Variants in WDR25 observed in about 807,000 individuals in gnomAD.
WDR25 encodes WD repeat domain 25, also known as WD repeat-containing protein 25.
WDR25 carries 35 observed loss-of-function variants against 47.7 expected under a neutral mutation model. That is an observed-to-expected ratio of 0.73 (90% CI 0.56 to 0.97). WDR25 has a LOEUF of 0.97. WDR25 is among the 50% of genes least tolerant of loss of function. The pLI is 0.00. For synonymous variants in WDR25, 248 were observed against 278.9 expected, an observed-to-expected ratio of 0.89 and a Z score of 1.10; for missense variants, 634 against 704.7, an observed-to-expected ratio of 0.90 and a Z score of 1.14.
intron 4 of WDR25, among the ~76,000 whole-genome samples, chr14:100,491,040 C>T (rs1407546854): frequency 1.3e-5 from 2 of 152,252 alleles, no homozygotes; most frequent in African/African-American, 4.8e-5. Context: ...CCCATTTCCT[C>T]ATCTGTCAAC....
At chr14:100,467,650 T>C (rs1229290520) in intron 2 of WDR25, among the ~76,000 whole-genome samples, 2 of 152,132 alleles carry the variant, frequency 1.3e-5, no homozygotes, top group African/African-American at 4.8e-5. Flanking sequence ...TGTGTCACTA[T>C]GCCCAACTAA....
At chr14:100,447,755 T>G (rs1898885747) in intron 2 of WDR25, among the ~76,000 whole-genome samples, 1 of 152,174 alleles carries the variant, frequency 6.6e-6, no homozygotes, top group African/African-American at 2.4e-5. Context: ...CTTAAGCAAT[T>G]TACTCCTTCC....
At chr14:100,432,314 T>A (rs974870944) in intron 2 of WDR25, among the ~76,000 whole-genome samples, 1 of 152,238 alleles carries the variant, frequency 6.6e-6, no homozygotes, top group Non-Finnish European at 1.5e-5. Flanking sequence ...ATGGGTATTA[T>A]CCCACTTGTA....
chr14:100,495,564 A>G (rs1304781109), intron 4 of WDR25, among the ~76,000 whole-genome samples: 1 of 152,112 alleles, frequency 6.6e-6, no homozygotes, highest in Non-Finnish European at 1.5e-5. Context: ...GCCTCTAGCA[A>G]TTTGTCAATT....
In WDR25 at chr14:100,529,219, C is replaced by T. The variant is rs865883576; in HGVS notation, c.1413+11C>T. On this transcript the variant is annotated intron_variant, in intron 6 of 6. Coordinates refer to ENST00000402312, the MANE Select transcript of WDR25 (RefSeq NM_001161476.3). This position sits in a 1 kb window ranked among gnomAD's most constrained non-coding sequence, Gnocchi z 5.1. ...TATGAAGGGCACAAGGTACTTCTGT[C>T]CTTGTCCCCCAGGCGAATGCTGAGC... 2.5e-6 allele frequency: 4 copies of T among 1,612,896 alleles called. No individual in the cohort carries two copies. The African/African-American group carries it at 4.0e-5, about 16-fold the overall frequency.
At chr14:100,476,961 T>A (rs1332066204) in intron 3 of WDR25, among the ~76,000 whole-genome samples, 1 of 152,194 alleles carries the variant, frequency 6.6e-6, no homozygotes, top group Non-Finnish European at 1.5e-5. Flanking sequence ...TCAGTCATGC[T>A]GAATGGAAGA....
intron 4 of WDR25, chr14:100,504,704 A>T (rs1467541436): frequency 1.3e-5 from 2 of 152,236 alleles, no homozygotes; most frequent in African/African-American, 4.8e-5. Context: ...ACAGGTCTGT[A>T]TGTGAATATA....
chr14:100,524,996 A>G (rs2030043955), intron 4 of WDR25, among the ~76,000 whole-genome samples: 2 of 152,240 alleles, frequency 1.3e-5, no homozygotes, highest in Admixed American at 6.5e-5. Context: ...GGGCCCAGGG[A>G]CTGAACTGTT....
At chr14:100,486,992 T>C (rs1900408514) in intron 4 of WDR25, among the ~76,000 whole-genome samples, 1 of 152,190 alleles carries the variant, frequency 6.6e-6, no homozygotes, top group Non-Finnish European at 1.5e-5. Context: ...TGTTTTTTTT[T>C]CCTCTTGTGG....
At chr14:100,517,912 C>T (rs931567425) in intron 4 of WDR25, among the ~76,000 whole-genome samples, 1 of 152,250 alleles carries the variant, frequency 6.6e-6, no homozygotes, top group Admixed American at 6.5e-5. Flanking sequence ...TACCCCCTAC[C>T]CTGTAAGTTA....
At chr14:100,487,561 C>G (rs1412431913) in intron 4 of WDR25, 1 of 152,240 alleles carries the variant, frequency 6.6e-6, no homozygotes, top group Non-Finnish European at 1.5e-5. Context: ...ATTCTGACAT[C>G]TGTCACCCTA....
chr14:100,454,197 C>G (rs890709072), intron 2 of WDR25, among the ~76,000 whole-genome samples: 3 of 152,236 alleles, frequency 2.0e-5, no homozygotes, highest in African/African-American at 7.2e-5. Flanking sequence ...CTGAAGTGTT[C>G]CCAGGTTCTC....
At chr14:100,411,885 G>A (rs765673152) in intron 2 of WDR25, among the ~76,000 whole-genome samples, 2 of 152,176 alleles carry the variant, frequency 1.3e-5, no homozygotes, top group African/African-American at 2.4e-5. Flanking sequence ...GCTTTGCAGA[G>A]ATATGATGTC....
At chr14:100,382,613 G>A (rs534013609) in intron 2 of WDR25, among the ~76,000 whole-genome samples, 19 of 152,316 alleles carry the variant, frequency 1.2e-4, no homozygotes, top group Admixed American at 3.9e-4. Flanking sequence ...GTGATAGGTC[G>A]TTGTGCCCAC....
At position 100,523,796 on chromosome 14, in the gene WDR25, G is replaced by A. The variant is rs1019666496; in HGVS notation, c.1102-2074G>A. Among the ~76,000 whole-genome samples, 4 of 152,110 alleles carry A rather than the reference G, an allele frequency of 2.6e-5. No homozygotes were observed. Among genetic ancestry groups the A allele is most frequent in the African/African-American group, 9.7e-5 (4 of 41,410 alleles). ...GTCCCTGCATCTCTACCAGGGGCCC[G>A]CAGTTGCCAGAAGAGTCTGAGTGAG... On this transcript the variant is annotated intron_variant, in intron 4 of 6. Transcript: ENST00000402312. The surrounding 1 kb of genome is among the most constrained non-coding windows in gnomAD (Gnocchi z 4.7).
rs1898631578 is a variant in WDR25, at chr14:100,440,354, G to A, written c.823-27667G>A. ...GCAGCCACAGTCAGGGAGCCCTTCG[G>A]CCACGGCAGCGGGGTGGCGCCAGAC... is the stretch of plus-strand genomic sequence containing the variant. On this transcript the variant is annotated intron_variant, in intron 2 of 6. Coordinates refer to ENST00000402312, the MANE Select transcript of WDR25 (RefSeq NM_001161476.3). This position sits in a 1 kb window ranked among gnomAD's most constrained non-coding sequence, Gnocchi z 4.4. Among the ~76,000 whole-genome samples, 1 of 152,244 alleles carries A rather than the reference G, an allele frequency of 6.6e-6. No individual in the cohort carries two copies. Among genetic ancestry groups the A allele is most frequent in the South Asian group, 2.1e-4 (1 of 4,830 alleles).
chr14:100,421,323 C>G (rs1898019983), intron 2 of WDR25, among the ~76,000 whole-genome samples: 1 of 152,132 alleles, frequency 6.6e-6, no homozygotes, highest in African/African-American at 2.4e-5. Context: ...ATTGGTCCCC[C>G]AGTCAGTCTT....
At position 100,392,524 on chromosome 14, in the gene WDR25, G is replaced by A. The variant is rs1897167779; in HGVS notation, c.822+10778G>A. 6.6e-6 allele frequency among the ~76,000 whole-genome samples: 1 copy of A among 151,754 alleles called. No homozygotes were observed. The highest frequency in any genetic ancestry group is 6.6e-5 in the Admixed American group (1 of 15,238). ...AACCATAAGCAAAATCCACCAACTC[G>A]ACCATACACTGAAATTATCATTATC... is the stretch of plus-strand genomic sequence containing the variant. On this transcript the variant is annotated intron_variant, in intron 2 of 6. Transcript: ENST00000402312. The surrounding 1 kb of genome is among the most constrained non-coding windows in gnomAD (Gnocchi z 4.2).
intron 2 of WDR25, among the ~76,000 whole-genome samples, chr14:100,452,629 A>T (rs1899072763): frequency 1.3e-5 from 2 of 152,090 alleles, no homozygotes; most frequent in South Asian, 4.1e-4. Context: ...GTGCTGCTAC[A>T]GTGGAGTCAG....
Sources: gnomAD v4.1 joint callset for allele counts (sites outside exome capture counted in the v4.1 genomes callset) on GRCh38, gnomAD v4.1.1 for gene constraint, Gnocchi (gnomAD v3.1) non-coding constraint, MANE v1.5 for transcripts, NCBI Gene and HGNC (gene_info 2026-07-23, HGNC 2026-07-21) for gene names.